Variants in WWOX observed in about 807,000 individuals in gnomAD.
WWOX encodes the protein WW domain containing oxidoreductase, also known as WW domain-containing oxidoreductase.
WWOX carries 69 observed loss-of-function variants against 46.2 expected under a neutral mutation model. The observed-to-expected ratio is 1.49, with a 90% CI of 1.23 to 1.82. The LOEUF (loss-of-function observed/expected upper bound fraction) is 1.82. Among genes scored for constraint, WWOX ranks in the 40% most tolerant of loss-of-function variants. The probability of loss-of-function intolerance (pLI) is 0.00; values close to 1 mark genes in which losing one functional copy is unlikely to be tolerated. For synonymous variants in WWOX, 359 were observed against 202.6 expected (o/e 1.77, Z -6.56); for missense variants, 919 against 542.6 (o/e 1.69, Z -6.89).
intron 8 of WWOX, among the ~76,000 whole-genome samples, chr16:78,619,345 G>A (rs1349150594): frequency 3.2e-4 from 36 of 110,778 alleles, no homozygotes; most frequent in African/African-American, 1.2e-3. Flanking sequence ...CTGGGCAACA[G>A]AGCAAGACGC....
At chr16:78,829,876 A>C (rs574171122) in intron 8 of WWOX, among the ~76,000 whole-genome samples, 2 of 152,272 alleles carry the variant, frequency 1.3e-5, no homozygotes, top group African/African-American at 4.8e-5. Flanking sequence ...AAAGCTGTTG[A>C]GCACCAGAGC....
At chr16:78,464,543 C>T (rs183793463) in intron 8 of WWOX, among the ~76,000 whole-genome samples, 20 of 152,200 alleles carry the variant, frequency 1.3e-4, no homozygotes, top group South Asian at 1.0e-3. Context: ...ATCTTCATGA[C>T]GATCCTTCAA....
intron 8 of WWOX, among the ~76,000 whole-genome samples, chr16:78,577,962 C>G (rs150262354): frequency 2.0e-5 from 3 of 152,012 alleles, no homozygotes; most frequent in East Asian, 1.9e-4. Context: ...AACCAAGACT[C>G]ACTAATATTT....
At chr16:79,011,015 A>T (rs185296533) in intron 8 of WWOX, among the ~76,000 whole-genome samples, 16 of 152,136 alleles carry the variant, frequency 1.1e-4, no homozygotes, top group Non-Finnish European at 1.5e-4. Flanking sequence ...GCTTACGATG[A>T]TTTCTAACAT....
chr16:78,272,035 C>T (rs1450225964), intron 5 of WWOX, among the ~76,000 whole-genome samples: 1 of 152,204 alleles, frequency 6.6e-6, no homozygotes, highest in Non-Finnish European at 1.5e-5. Flanking sequence ...TAACAAGTAG[C>T]TCATCTGTAA....
intron 4 of WWOX, among the ~76,000 whole-genome samples, chr16:78,154,177 A>AT (rs1426235345): frequency 1.3e-5 from 2 of 151,834 alleles, no homozygotes; most frequent in East Asian, 1.9e-4. Context: ...GGCTTTGTAG[A>AT]TTTTTTTTGC....
At chr16:78,794,030 C>G (rs1470947381) in intron 8 of WWOX, among the ~76,000 whole-genome samples, 1 of 152,138 alleles carries the variant, frequency 6.6e-6, no homozygotes, top group Non-Finnish European at 1.5e-5. Flanking sequence ...AGGCTAGATT[C>G]AAATCCTGCT....
At chr16:78,409,283 C>A (rs2082619174) in intron 6 of WWOX, among the ~76,000 whole-genome samples, 1 of 152,094 alleles carries the variant, frequency 6.6e-6, no homozygotes, top group South Asian at 2.1e-4. Flanking sequence ...TTATGACAAA[C>A]ACAGTCATAG....
At chr16:78,607,964 A>G (rs2045802348) in intron 8 of WWOX, among the ~76,000 whole-genome samples, 1 of 152,176 alleles carries the variant, frequency 6.6e-6, no homozygotes, top group Non-Finnish European at 1.5e-5. Context: ...CAAAGTTAAA[A>G]TCTATCAAAG....
At chr16:78,137,357 T>A (rs1156366394) in intron 4 of WWOX, among the ~76,000 whole-genome samples, 1 of 152,194 alleles carries the variant, frequency 6.6e-6, no homozygotes, top group African/African-American at 2.4e-5. Context: ...TGGCACAGTA[T>A]CTTTCACCCC....
intron 8 of WWOX, among the ~76,000 whole-genome samples, chr16:79,134,658 T>G (rs2049948672): frequency 6.6e-6 from 1 of 152,142 alleles, no homozygotes; most frequent in Admixed American, 6.5e-5. Context: ...TATACACATT[T>G]AGGTCGCGAT....
intron 8 of WWOX, among the ~76,000 whole-genome samples, chr16:78,520,320 A>G (rs2043321066): frequency 6.6e-6 from 1 of 152,236 alleles, no homozygotes; most frequent in South Asian, 2.1e-4. Context: ...AGTGGATGGT[A>G]CTTAAGGATA....
chr16:79,046,658 C>T (rs931857624), intron 8 of WWOX, among the ~76,000 whole-genome samples: 8 of 152,270 alleles, frequency 5.3e-5, no homozygotes, highest in African/African-American at 1.7e-4. Flanking sequence ...CCACGGTGAG[C>T]ATAGCTTGGC....
chr16:78,993,395 T>A (rs2046926535), intron 8 of WWOX, among the ~76,000 whole-genome samples: 1 of 152,170 alleles, frequency 6.6e-6, no homozygotes, highest in Non-Finnish European at 1.5e-5. Flanking sequence ...AATGTGTCAT[T>A]AACTGGGGAC....
At chr16:78,494,521 A>G (rs1177495217) in intron 8 of WWOX, among the ~76,000 whole-genome samples, 1 of 152,210 alleles carries the variant, frequency 6.6e-6, no homozygotes, top group Non-Finnish European at 1.5e-5. Flanking sequence ...AAACGGCAAC[A>G]AATAAAACTT....
chr16:78,953,419 A>T (rs1158832205), intron 8 of WWOX, among the ~76,000 whole-genome samples: 3 of 152,098 alleles, frequency 2.0e-5, no homozygotes, highest in Admixed American at 1.3e-4. Context: ...AACCTAGTCA[A>T]ATTTGAAACC....
intron 6 of WWOX, among the ~76,000 whole-genome samples, chr16:78,409,745 C>G (rs2082632767): frequency 6.6e-6 from 1 of 152,126 alleles, no homozygotes; most frequent in Non-Finnish European, 1.5e-5. Flanking sequence ...CTAGAGACTC[C>G]AGGGAGAATA....
At chr16:78,265,173 G>C (rs1232435027) in intron 5 of WWOX, among the ~76,000 whole-genome samples, 1 of 151,322 alleles carries the variant, frequency 6.6e-6, no homozygotes, top group Non-Finnish European at 1.5e-5. Flanking sequence ...GCTAATTTTT[G>C]TATTTTTGGT....
intron 8 of WWOX, among the ~76,000 whole-genome samples, chr16:79,108,444 T>C (rs1183083875): frequency 6.6e-6 from 1 of 152,100 alleles, no homozygotes. Flanking sequence ...GAGAAAAAGG[T>C]ATGGGAGCGA....
Sources: allele counts gnomAD v4.1 joint callset (sites outside exome capture counted in the v4.1 genomes callset), GRCh38; gene constraint gnomAD v4.1.1; transcripts MANE v1.5; gene names NCBI Gene and HGNC (gene_info 2026-07-23, HGNC 2026-07-21).